Variants in ELP4 observed in about 807,000 individuals in gnomAD.
ELP4 encodes elongator acetyltransferase complex subunit 4, also known as elongator complex protein 4.
A neutral mutation model predicts 48.9 loss-of-function variants in ELP4; 51 were observed. That is an observed-to-expected ratio of 1.04 (90% CI 0.83 to 1.32). The LOEUF (loss-of-function observed/expected upper bound fraction) is 1.32, where lower values mean the gene tolerates loss of function less well. ELP4 is among the 40% of genes most tolerant of loss of function. The probability of loss-of-function intolerance (pLI) is 0.00; values close to 1 mark genes in which losing one functional copy is unlikely to be tolerated. For missense variants in ELP4, 519 were observed against 514.6 expected (o/e 1.01, Z -0.08); for synonymous variants, 210 against 189.2 (o/e 1.11, Z -0.90).
At chr11:31,689,774 C>T (rs1042182862) in intron 9 of ELP4, among the ~76,000 whole-genome samples, 25 of 152,150 alleles carry the variant, frequency 1.6e-4, no homozygotes, top group African/African-American at 6.0e-4. Context: ...GTGAGCTCAG[C>T]AAATAATGTC....
At chr11:31,770,707 G>A (rs1456709856) in intron 9 of ELP4, among the ~76,000 whole-genome samples, 2 of 151,780 alleles carry the variant, frequency 1.3e-5, no homozygotes, top group African/African-American at 4.8e-5. Context: ...CTTGAGCCCA[G>A]GAGTTTGAGA....
At chr11:31,678,521 GTGTGTGTGTGTGTGTGTGTGTA>G (rs956972795) in intron 9 of ELP4, among the ~76,000 whole-genome samples, 12 of 136,552 alleles carry the variant, frequency 8.8e-5, no homozygotes, top group African/African-American at 3.0e-4. Context: ...GTGTGTGTGT[GTGTGTGTGTGTGTGTGTGTGTA>G]TATGTGCATT....
At chr11:31,633,463 T>C (rs1313697444) in intron 7 of ELP4, 2 of 152,138 alleles carry the variant, frequency 1.3e-5, no homozygotes, top group East Asian at 3.9e-4. Flanking sequence ...TTGGTCTCCT[T>C]GGCCAGTAGA....
chr11:31,519,883 G>A (rs541163548), intron 1 of ELP4, among the ~76,000 whole-genome samples, 173 bp from the exon 2 acceptor site: 23 of 151,588 alleles, frequency 1.5e-4, no homozygotes, highest in African/African-American at 5.6e-4. Flanking sequence ...CATATAATAT[G>A]TAATTATTTC....
At chr11:31,681,052 C>A (rs981290493) in intron 9 of ELP4, among the ~76,000 whole-genome samples, 8 of 152,024 alleles carry the variant, frequency 5.3e-5, no homozygotes, top group Non-Finnish European at 1.0e-4. Flanking sequence ...GTCAGTATAT[C>A]CTGACTCATT....
At chr11:31,640,155 G>T (rs1482404051) in intron 7 of ELP4, among the ~76,000 whole-genome samples, 1 of 151,590 alleles carries the variant, frequency 6.6e-6, no homozygotes, top group Non-Finnish European at 1.5e-5. Context: ...GAAAAAGAGG[G>T]GAAATGATCT....
intron 9 of ELP4, among the ~76,000 whole-genome samples, chr11:31,760,760 T>C (rs547851470): frequency 6.6e-6 from 1 of 152,322 alleles, no homozygotes; most frequent in South Asian, 2.1e-4. Context: ...TTATGACATA[T>C]TATTTAACCC....
chr11:31,745,344 C>T (rs1403348029), intron 9 of ELP4, among the ~76,000 whole-genome samples: 1 of 152,088 alleles, frequency 6.6e-6, no homozygotes, highest in African/African-American at 2.4e-5. Flanking sequence ...CAATGCCATC[C>T]CCATCAAGCT....
intron 9 of ELP4, chr11:31,651,302 C>A (rs1466409015): frequency 1.3e-5 from 2 of 151,626 alleles, no homozygotes; most frequent in Non-Finnish European, 2.9e-5. Flanking sequence ...ATTAATGTGC[C>A]CTCCTCCTAA....
intron 9 of ELP4, among the ~76,000 whole-genome samples, chr11:31,681,339 A>G (rs1411818864): frequency 6.6e-6 from 1 of 152,196 alleles, no homozygotes; most frequent in Non-Finnish European, 1.5e-5. Flanking sequence ...TTTGCATCAT[A>G]CCGTATAGAA....
chr11:31,548,591 T>C (rs28823099), intron 3 of ELP4, among the ~76,000 whole-genome samples: 8 of 152,230 alleles, frequency 5.3e-5, no homozygotes, highest in African/African-American at 9.6e-5. Context: ...GTGCCATCCC[T>C]ATCAAGCTAC....
intron 9 of ELP4, among the ~76,000 whole-genome samples, chr11:31,725,319 G>A (rs1032973555): frequency 2.0e-5 from 3 of 152,148 alleles, no homozygotes; most frequent in African/African-American, 7.2e-5. Flanking sequence ...TTGCCAGGCA[G>A]GTCATCATCT....
At chr11:31,771,790 T>C (rs560015567) in intron 9 of ELP4, among the ~76,000 whole-genome samples, 184 of 152,224 alleles carry the variant, frequency 1.2e-3, no homozygotes, top group Middle Eastern at 3.4e-3. Flanking sequence ...CCATCCTGGC[T>C]AACACAGTGA....
chr11:31,750,361 A>G (rs1947693905), intron 9 of ELP4, among the ~76,000 whole-genome samples: 1 of 151,998 alleles, frequency 6.6e-6, no homozygotes, highest in Admixed American at 6.6e-5. Context: ...AAACTTCTTG[A>G]GGTTTTTCAG....
intron 3 of ELP4, among the ~76,000 whole-genome samples, chr11:31,592,869 C>T (rs1027753032): frequency 6.6e-6 from 1 of 152,056 alleles, no homozygotes; most frequent in Non-Finnish European, 1.5e-5. Flanking sequence ...GGTTATTTCT[C>T]TAATATTGTA....
chr11:31,680,794 T>C (rs1396328520), intron 9 of ELP4, among the ~76,000 whole-genome samples: 2 of 152,188 alleles, frequency 1.3e-5, no homozygotes, highest in Non-Finnish European at 2.9e-5. Context: ...AGTTTAGTAA[T>C]GAAATTGTTA....
intron 9 of ELP4, among the ~76,000 whole-genome samples, chr11:31,779,168 T>C (rs1948313563): frequency 1.3e-5 from 2 of 152,238 alleles, no homozygotes; most frequent in East Asian, 3.8e-4. Flanking sequence ...AATAAATCTT[T>C]AGTCATCTGC....
At chr11:31,777,410 A>G (rs745412961) in intron 9 of ELP4, among the ~76,000 whole-genome samples, 1 of 152,144 alleles carries the variant, frequency 6.6e-6, no homozygotes, top group Non-Finnish European at 1.5e-5. Flanking sequence ...TCAGGTATGC[A>G]TTTCTTGGTC....
At chr11:31,608,399 G>A (rs1273782146) in intron 5 of ELP4, among the ~76,000 whole-genome samples, 2 of 152,084 alleles carry the variant, frequency 1.3e-5, no homozygotes, top group Non-Finnish European at 2.9e-5. Flanking sequence ...CTAAGAAGAC[G>A]GCGTGAGCAG....
Sources: gnomAD v4.1 joint callset for allele counts (sites outside exome capture counted in the v4.1 genomes callset) on GRCh38, gnomAD v4.1.1 for gene constraint, MANE v1.5 for transcripts, NCBI Gene and HGNC (gene_info 2026-07-23, HGNC 2026-07-21) for gene names.